Variants in CSMD1 observed in about 807,000 individuals in gnomAD.
CSMD1 encodes the protein CUB and Sushi multiple domains 1.
In CSMD1, 213 loss-of-function variants were observed where a neutral mutation model predicts 417.5. The ratio of observed to expected loss-of-function variants is 0.51; its 90% CI spans 0.46 to 0.57. The LOEUF (loss-of-function observed/expected upper bound fraction) is 0.57. Ranked by LOEUF, CSMD1 falls within the 20% of genes least tolerant of loss-of-function variation. CSMD1 has a pLI of 0.00. For missense variants in CSMD1, 6,923 were observed against 4,529.7 expected (o/e 1.53, Z -15.17); for synonymous variants, 2,862 against 1,736.8 (o/e 1.65, Z -16.11).
intron 3 of CSMD1, among the ~76,000 whole-genome samples, chr8:4,193,638 G>C (rs1238927635): frequency 6.6e-6 from 1 of 152,086 alleles, no homozygotes; most frequent in Non-Finnish European, 1.5e-5. Context: ...TGTCAAGGGA[G>C]GCCCAGTGTT....
chr8:4,947,252 A>T (rs188388533), intron 1 of CSMD1, among the ~76,000 whole-genome samples: 2 of 152,336 alleles, frequency 1.3e-5, no homozygotes, highest in East Asian at 3.9e-4. Flanking sequence ...AAATTTTTAA[A>T]ATTACCTTGG....
chr8:3,562,268 A>G (rs1799499709), intron 10 of CSMD1, among the ~76,000 whole-genome samples: 1 of 151,986 alleles, frequency 6.6e-6, no homozygotes, highest in African/African-American at 2.4e-5. Flanking sequence ...TGGAGGCCAC[A>G]AAACATCAAC....
At chr8:3,263,355 T>G (rs1801215533) in intron 26 of CSMD1, among the ~76,000 whole-genome samples, 1 of 152,230 alleles carries the variant, frequency 6.6e-6, no homozygotes. Flanking sequence ...TGCCTTGACC[T>G]GCCAAAGTGC....
intron 23 of CSMD1, among the ~76,000 whole-genome samples, chr8:3,309,008 G>T (rs1348432260): frequency 6.6e-6 from 1 of 152,134 alleles, no homozygotes; most frequent in African/African-American, 2.4e-5. Flanking sequence ...ACAGGCGTGA[G>T]CCACTGCGCC....
intron 27 of CSMD1, among the ~76,000 whole-genome samples, chr8:3,226,690 G>T (rs202193646): frequency 1.1e-4 from 16 of 151,840 alleles, no homozygotes; most frequent in South Asian, 4.2e-4. Flanking sequence ...AAGTCATTTC[G>T]GATGTAACAA....
intron 4 of CSMD1, among the ~76,000 whole-genome samples, chr8:4,026,126 T>C (rs940505013): frequency 2.6e-5 from 4 of 152,162 alleles, no homozygotes; most frequent in African/African-American, 7.2e-5. Flanking sequence ...GTCCATATGG[T>C]TGAAATTTAC....
At chr8:4,933,991 G>C (rs187563870) in intron 1 of CSMD1, among the ~76,000 whole-genome samples, 3 of 150,330 alleles carry the variant, frequency 2.0e-5, no homozygotes, top group Non-Finnish European at 3.0e-5. Flanking sequence ...AGTTACTTAC[G>C]TTTATGCTTT....
chr8:2,980,817 G>A (rs1178722187), intron 54 of CSMD1, among the ~76,000 whole-genome samples: 1 of 152,158 alleles, frequency 6.6e-6, no homozygotes, highest in Non-Finnish European at 1.5e-5. Flanking sequence ...ATTGCTTGGA[G>A]GATGTGTATT....
At chr8:3,119,480 T>C (rs1817070584) in intron 41 of CSMD1, among the ~76,000 whole-genome samples, 2 of 151,924 alleles carry the variant, frequency 1.3e-5, no homozygotes, top group South Asian at 4.2e-4. Context: ...TATTGTGCTT[T>C]ATCATTCAGT....
chr8:4,448,469 T>G lies in CSMD1; in HGVS notation c.303-28404A>C, dbSNP rs76345020. On this transcript the variant is annotated intron_variant, in intron 2 of 69. Coordinates refer to ENST00000635120, the MANE Select transcript of CSMD1 (RefSeq NM_033225.6). Reference sequence around the variant, plus strand: ...GTGGAGCTATTTTCCCTTAAATACTTTCCCAGACAACAGCAGAAAGGAAGC... The same window carrying G: ...GTGGAGCTATTTTCCCTTAAATACTGTCCCAGACAACAGCAGAAAGGAAGC... Among the ~76,000 whole-genome samples, 372 of 152,298 alleles carry G rather than the reference T, an allele frequency of 2.4e-3. 1 individual carries two copies. Among genetic ancestry groups the G allele is most frequent in the Non-Finnish European group, 4.0e-3 (273 of 68,022 alleles).
rs539833164 is a variant in CSMD1 at position 3,080,740 on chromosome 8, T to C, written c.7474+6357A>G. 2.0e-5 allele frequency among the ~76,000 whole-genome samples: 3 copies of C among 152,344 alleles called. No individual in the cohort carries two copies. In the East Asian group the frequency reaches 5.8e-4, roughly 29 times the overall value. ...CTGACGGCTTATCCTATATTATTTA[T>C]TGAATCCTCTCAATAATTCTGGGAC... is the stretch of plus-strand genomic sequence containing the variant. On this transcript the variant is annotated intron_variant, in intron 49 of 69. Transcript: ENST00000635120.
intron 5 of CSMD1, among the ~76,000 whole-genome samples, chr8:3,776,807 G>GAGATATATATATATATATATATAT (rs1554432748): frequency 7.1e-6 from 1 of 139,938 alleles, no homozygotes; most frequent in Non-Finnish European, 1.5e-5. Context: ...ATATAGACGA[G>GAGATATATATATATATATATATAT]ATATATATAT....
intron 3 of CSMD1, among the ~76,000 whole-genome samples, chr8:4,296,171 T>A (rs573567353): frequency 6.6e-6 from 1 of 151,980 alleles, no homozygotes; most frequent in East Asian, 1.9e-4. Context: ...ATGCTCAGGG[T>A]CTCCCTCCTG....
intron 33 of CSMD1, among the ~76,000 whole-genome samples, chr8:3,191,176 C>T (rs749612133): frequency 2.6e-5 from 4 of 152,158 alleles, no homozygotes; most frequent in South Asian, 4.1e-4. Flanking sequence ...AAGCCCCAGC[C>T]GGGTGCAGTG....
chr8:4,535,013 A>T (rs111294753), intron 2 of CSMD1, among the ~76,000 whole-genome samples: 1 of 152,022 alleles, frequency 6.6e-6, no homozygotes, highest in South Asian at 2.1e-4. Flanking sequence ...TGCCTGCCTC[A>T]GCCTCCCAAA....
intron 3 of CSMD1, among the ~76,000 whole-genome samples, chr8:4,165,821 G>C (rs538173067): frequency 1.3e-5 from 2 of 152,142 alleles, no homozygotes; most frequent in Admixed American, 6.5e-5. Context: ...CTCTTACTAG[G>C]TTGTTGCAAA....
chr8:3,452,698 G>A (rs1243108774), intron 12 of CSMD1, among the ~76,000 whole-genome samples: 1 of 152,166 alleles, frequency 6.6e-6, no homozygotes, highest in Non-Finnish European at 1.5e-5. Flanking sequence ...GGTTTTTGAT[G>A]TGCTTCTTGA....
intron 10 of CSMD1, among the ~76,000 whole-genome samples, chr8:3,549,644 A>ATGGGAGAAATC (rs1476763320): frequency 1.3e-5 from 2 of 152,182 alleles, no homozygotes. Context: ...AGCTAGCATG[A>ATGGGAGAAATC]TGGGAGAAAT....
At chr8:3,622,567 A>G (rs190021704) in intron 7 of CSMD1, among the ~76,000 whole-genome samples, 75 of 152,368 alleles carry the variant, frequency 4.9e-4, no homozygotes, top group Non-Finnish European at 1.2e-4. Flanking sequence ...ACTTACTAAA[A>G]AAAGGTTACT....
Sources: gnomAD v4.1 joint callset for allele counts (sites outside exome capture counted in the v4.1 genomes callset) on GRCh38, gnomAD v4.1.1 for gene constraint, MANE v1.5 for transcripts, NCBI Gene and HGNC (gene_info 2026-07-23, HGNC 2026-07-21) for gene names.